Variants in MICAL2 observed in about 807,000 individuals in gnomAD.
MICAL2 encodes the protein [F-actin]-monooxygenase MICAL2.
In MICAL2, 77 loss-of-function variants were observed where a neutral mutation model predicts 127.3. That is an observed-to-expected ratio of 0.60 (90% confidence interval 0.50 to 0.73). The LOEUF (loss-of-function observed/expected upper bound fraction) is 0.73. Among genes scored for constraint, MICAL2 ranks in the 30% least tolerant of loss-of-function variants. MICAL2 has a pLI of 0.00. For synonymous variants in MICAL2, 570 were observed against 551.1 expected (o/e 1.03, Z -0.48); for missense variants, 1,351 against 1,434.4 (o/e 0.94, Z 0.94).
intron 29 of MICAL2, among the ~76,000 whole-genome samples, chr11:12,300,332 A>T (rs530282779): frequency 2.6e-5 from 4 of 152,324 alleles, no homozygotes; most frequent in African/African-American, 9.6e-5. Flanking sequence ...TACGGTGGGA[A>T]CATAAATATG....
At chr11:12,268,087 C>T (rs189100292), downstream of MICAL2, among the ~76,000 whole-genome samples, 6 of 152,298 alleles carry the variant, frequency 3.9e-5, no homozygotes, top group Admixed American at 3.9e-4. Flanking sequence ...TGGCCTGGAC[C>T]TCAGACTGCA....
At chr11:12,307,912 T>C (rs1276602458) in intron 29 of MICAL2, among the ~76,000 whole-genome samples, 1 of 152,212 alleles carries the variant, frequency 6.6e-6, no homozygotes, top group Non-Finnish European at 1.5e-5. Flanking sequence ...AAACAGAGCC[T>C]CACTCTGTTG....
In MICAL2 at chr11:12,113,441, C is replaced by A. The variant is rs530853171; in HGVS notation, c.-149+2715C>A. Among the ~76,000 whole-genome samples, 7 of 152,194 alleles carry A rather than the reference C, an allele frequency of 4.6e-5. 1 individual carries two copies. Among genetic ancestry groups the A allele is most frequent in the Non-Finnish European group, 1.0e-4 (7 of 68,044 alleles). On this transcript the variant is annotated intron_variant, in intron 1 of 27. Coordinates refer to ENST00000683283, the MANE Select transcript of MICAL2 (RefSeq NM_001282663.2). ...CTGCATCACACAGCATGTATGAGTG[C>A]AGTTTGAGTGTGGAGAATTAAATGC...
rs376555034 is a variant in MICAL2, at chr11:12,224,625, G to A, written c.1541-48G>A. 58 of 1,592,894 alleles carry A rather than the reference G, an allele frequency of 3.6e-5. No homozygotes were observed. The Admixed American group carries it at 4.9e-4, about 13-fold the overall frequency. ...TGAGAAGGGAGCGCCAGGGCAGACC[G>A]TGTGAGATTCCTGCAGAGCCTCACT... On this transcript the variant is annotated intron_variant, in intron 12 of 27. Transcript: ENST00000683283.
intron 13 of MICAL2, 105 bp from the exon 14 acceptor site, chr11:12,226,066 C>G: frequency 9.1e-7 from 1 of 1,096,286 alleles, no homozygotes; most frequent in South Asian, 1.4e-5. Flanking sequence ...CTGCCGACAC[C>G]TGGCAGAGTG....
intron 7 of MICAL2, 42 bp downstream of exon 7, chr11:12,213,452 G>A: frequency 6.3e-7 from 1 of 1,593,574 alleles, no homozygotes; most frequent in Non-Finnish European, 8.6e-7. Flanking sequence ...AAGGTCTAAA[G>A]TTTGCAGTTT....
downstream of MICAL2, among the ~76,000 whole-genome samples, chr11:12,359,851 T>C (rs994767515): frequency 4.6e-5 from 7 of 152,216 alleles, no homozygotes; most frequent in African/African-American, 1.7e-4. Context: ...TGTTTAAATG[T>C]GTCATTAGAC....
intron 1 of MICAL2, among the ~76,000 whole-genome samples, chr11:12,123,842 A>G (rs1214238714): frequency 6.6e-6 from 1 of 152,030 alleles, no homozygotes; most frequent in Non-Finnish European, 1.5e-5. Context: ...AACATGCCTT[A>G]GTTTGTTCAG....
intron 26 of MICAL2, chr11:12,262,073 C>T (rs1417217268): frequency 1.1e-5 from 12 of 1,080,268 alleles, no homozygotes; most frequent in Non-Finnish European, 1.4e-5. Context: ...ACAGGGCGTG[C>T]CTGTCAGAAA....
rs986103305 is a variant in MICAL2, at chr11:12,355,680, G to A, written c.5689+823G>A. On this transcript the variant is annotated intron_variant, in intron 34 of 34. Transcript: ENST00000646065. Reference sequence around the variant, plus strand: ...CACTGATTTGTATTTAGGTATTTTCGCGCCCAATTTACAAATTAGAAAACT... The same window carrying A: ...CACTGATTTGTATTTAGGTATTTTCACGCCCAATTTACAAATTAGAAAACT... 3.9e-5 allele frequency among the ~76,000 whole-genome samples: 6 copies of A among 152,104 alleles called. No homozygotes were observed. In the East Asian group the frequency reaches 7.7e-4, roughly 20 times the overall value.
intron 32 of MICAL2, among the ~76,000 whole-genome samples, chr11:12,329,879 A>G (rs577618791): frequency 2.1e-4 from 31 of 148,620 alleles, no homozygotes; most frequent in South Asian, 1.5e-3. Flanking sequence ...AAAAAAAAAA[A>G]AAAAGAAAAG....
At chr11:12,287,848 G>A (rs926911784), downstream of MICAL2, among the ~76,000 whole-genome samples, 1 of 152,156 alleles carries the variant, frequency 6.6e-6, no homozygotes, top group African/African-American at 2.4e-5. Context: ...GGCCCTGAGC[G>A]AGGGGCAGAG....
At chr11:12,193,316 G>A (rs778104152) in intron 3 of MICAL2, among the ~76,000 whole-genome samples, 7 of 152,196 alleles carry the variant, frequency 4.6e-5, no homozygotes, top group Admixed American at 1.3e-4. Flanking sequence ...TCCAGCTCTG[G>A]GCTGCAGGAA....
intron 31 of MICAL2, among the ~76,000 whole-genome samples, chr11:12,324,731 T>G (rs1864336435): frequency 6.6e-6 from 1 of 152,180 alleles, no homozygotes; most frequent in Non-Finnish European, 1.5e-5. Context: ...CACATCCCTT[T>G]CTCCATTTAT....
intron 1 of MICAL2, among the ~76,000 whole-genome samples, chr11:12,280,171 A>G (rs1863757206): frequency 6.6e-6 from 1 of 152,126 alleles, no homozygotes; most frequent in South Asian, 2.1e-4. Flanking sequence ...CCACCCAGGT[A>G]GAATTTTCCA....
At chr11:12,315,816 A>G (rs1017940270) in intron 29 of MICAL2, among the ~76,000 whole-genome samples, 1 of 152,184 alleles carries the variant, frequency 6.6e-6, no homozygotes, top group African/African-American at 2.4e-5. Flanking sequence ...TCAATTTCCA[A>G]GAGAAAAGGG....
At chr11:12,160,689 G>C (rs987496207) in intron 2 of MICAL2, among the ~76,000 whole-genome samples, 3 of 152,058 alleles carry the variant, frequency 2.0e-5, no homozygotes, top group Non-Finnish European at 2.9e-5. Context: ...TGGACTCCTC[G>C]AGGCTCTGTT....
At chr11:12,282,252 C>T (rs1470837689) in intron 2 of MICAL2, among the ~76,000 whole-genome samples, 8 of 151,970 alleles carry the variant, frequency 5.3e-5, no homozygotes, top group East Asian at 1.9e-4. Context: ...TGTTAAGTAC[C>T]ATTTGTGGGG....
intron 1 of MICAL2, among the ~76,000 whole-genome samples, chr11:12,112,620 C>T (rs1452743496): frequency 2.0e-5 from 3 of 152,052 alleles, no homozygotes; most frequent in African/African-American, 7.3e-5. Context: ...GAACATACCT[C>T]TATAAAAACA....
Sources: gnomAD v4.1 joint callset for allele counts (sites outside exome capture counted in the v4.1 genomes callset) on GRCh38, gnomAD v4.1.1 for gene constraint, MANE v1.5 for transcripts, NCBI Gene and HGNC (gene_info 2026-07-23, HGNC 2026-07-21) for gene names.